IGSF10: variants seen among roughly 807,000 people sequenced by gnomAD.
IGSF10 encodes immunoglobulin superfamily member 10, also known as calvaria mechanical force protein 608.
Under a neutral mutation model 128.2 loss-of-function variants are expected in IGSF10, and 126 were observed. The ratio of observed to expected loss-of-function variants is 0.98; its 90% CI spans 0.85 to 1.14. The LOEUF is 1.14. IGSF10 is among the 50% of genes most tolerant of loss of function. The pLI, the probability that IGSF10 is intolerant of heterozygous loss-of-function variation, is 0.00. For synonymous variants in IGSF10, 1,185 were observed against 1,146.2 expected, an observed-to-expected ratio of 1.03 and a Z score of -0.68; for missense variants, 3,295 against 3,149.8, an observed-to-expected ratio of 1.05 and a Z score of -1.10.
upstream of IGSF10, among the ~76,000 whole-genome samples, chr3:151,464,933 G>A (rs74773297): frequency 0.012 from 1,834 of 152,270 alleles, 18 homozygotes; most frequent in African/African-American, 0.022. Context: ...TTTATATATA[G>A]TATTCCAGAT....
intron 4 of IGSF10, among the ~76,000 whole-genome samples, 185 bp downstream of exon 4, chr3:151,456,841 C>A (rs1352806770): frequency 1.3e-5 from 2 of 152,048 alleles, no homozygotes; most frequent in East Asian, 3.9e-4. Context: ...CCTCAGAGTT[C>A]TTATTATTCT....
chr3:151,553,642 A>G, the IGSF10 span, among the ~76,000 whole-genome samples: 1 of 151,328 alleles, frequency 6.6e-6, no homozygotes, highest in Admixed American at 6.6e-5. Flanking sequence ...TTCTATATAT[A>G]TACAATATAT....
chr3:151,439,372 G>A (rs1051293695), intron 7 of IGSF10, among the ~76,000 whole-genome samples: 2 of 152,298 alleles, frequency 1.3e-5, no homozygotes, highest in Non-Finnish European at 2.9e-5. Context: ...CAGCATTTTG[G>A]GAGGCCAATG....
chr3:151,435,985 T>TTTCA (rs953041803), downstream of IGSF10: 20 of 152,126 alleles, frequency 1.3e-4, no homozygotes, highest in African/African-American at 3.9e-4. Context: ...TATAAAGAAG[T>TTTCA]TTCATTGTAT....
the IGSF10 span, among the ~76,000 whole-genome samples, chr3:151,607,257 G>C: frequency 6.6e-6 from 1 of 152,144 alleles, no homozygotes; most frequent in African/African-American, 2.4e-5. Flanking sequence ...CTGAATTAAG[G>C]AAAGAGTCAA....
chr3:151,437,515 G>A lies in IGSF10; in HGVS notation c.7046C>T (p.Ala2349Val). The A allele has an allele frequency of 6.2e-7, 1 of 1,614,140 alleles. No individual in the cohort carries two copies. Among genetic ancestry groups the A allele is most frequent in the Non-Finnish European group, 8.5e-7 (1 of 1,180,014 alleles). ...CAATGCTGTGGACTTTCCCAGCTGG[G>A]CAACTATTTTTTCATTAAATGGATT... The part of the protein sequence containing the change: ...FRNPFNEKIV[A>V]QLGKSTALNC... Residue 2349 changes from alanine (A) to valine (V), a missense_variant, in exon 8 of 8, where the codon GCC (alanine) becomes GTC (valine). Coordinates refer to ENST00000282466, the MANE Select transcript of IGSF10 (RefSeq NM_178822.5).
the IGSF10 span, among the ~76,000 whole-genome samples, chr3:151,577,992 C>T: frequency 6.6e-6 from 1 of 152,084 alleles, no homozygotes; most frequent in Non-Finnish European, 1.5e-5. Flanking sequence ...TCTATGTTGT[C>T]CCTAAGGTAT....
chr3:151,464,541 G>A (rs919522699), upstream of IGSF10, among the ~76,000 whole-genome samples: 1 of 152,102 alleles, frequency 6.6e-6, no homozygotes, highest in African/African-American at 2.4e-5. Flanking sequence ...AGCGCAAGCA[G>A]TTACAAGTCA....
At chr3:151,557,105 TCTG>T in the IGSF10 span, among the ~76,000 whole-genome samples, 1 of 152,170 alleles carries the variant, frequency 6.6e-6, no homozygotes, top group Non-Finnish European at 1.5e-5. Flanking sequence ...AATAACTGAG[TCTG>T]CTGAAATAAA....
Position 151,437,485 on chromosome 3 carries a change from C to T in IGSF10, c.7076G>A (p.Cys2359Tyr). The T allele has an allele frequency of 6.2e-7, 1 of 1,614,150 alleles. No individual in the cohort carries two copies. The highest frequency in any genetic ancestry group is 8.5e-7 in the Non-Finnish European group (1 of 1,180,026). The change falls in exon 8 of 8, where the codon TGC becomes TAC. Residue 2359 changes from cysteine to tyrosine, a missense_variant. Physicochemically the swap from Cys to Tyr is radical, Grantham distance 194. Coordinates refer to ENST00000282466, the MANE Select transcript of IGSF10 (RefSeq NM_178822.5). ...AQLGKSTALNCSVDGNPPPEI... is the reference protein window; with the variant it reads ...AQLGKSTALNYSVDGNPPPEI... Reference sequence around the variant, plus strand: ...AGGTGGTGGGTTACCATCAACAGAGCAATTCAATGCTGTGGACTTTCCCAG... The same window carrying T: ...AGGTGGTGGGTTACCATCAACAGAGTAATTCAATGCTGTGGACTTTCCCAG...
chr3:151,471,359 T>C, the IGSF10 span, among the ~76,000 whole-genome samples: 2 of 152,348 alleles, frequency 1.3e-5, no homozygotes, highest in East Asian at 3.9e-4. Flanking sequence ...CCCTTCATGT[T>C]GATTTCTAAG....
the IGSF10 span, among the ~76,000 whole-genome samples, chr3:151,524,336 C>T: frequency 1.6e-4 from 25 of 152,198 alleles, no homozygotes; most frequent in South Asian, 5.2e-3. Flanking sequence ...CATGAATGTT[C>T]ACTGCAGCAC....
intron 5 of IGSF10, among the ~76,000 whole-genome samples, chr3:151,452,111 G>A (rs1432397862): frequency 2.6e-5 from 4 of 152,088 alleles, no homozygotes; most frequent in East Asian, 3.8e-4. Flanking sequence ...CATGGGTCTC[G>A]TAAAAATTAT....
chr3:151,500,420 C>G, the IGSF10 span, among the ~76,000 whole-genome samples: 1 of 152,032 alleles, frequency 6.6e-6, no homozygotes, highest in Non-Finnish European at 1.5e-5. Context: ...ATGGGGATAT[C>G]TTAATTTTAT....
At chr3:151,590,020 T>C in the IGSF10 span, among the ~76,000 whole-genome samples, 1 of 152,032 alleles carries the variant, frequency 6.6e-6, no homozygotes, top group Non-Finnish European at 1.5e-5. Context: ...GAGTGAATGA[T>C]CAAGTTGGGT....
At chr3:151,465,512 G>A (rs1035941567), upstream of IGSF10, among the ~76,000 whole-genome samples, 1 of 152,192 alleles carries the variant, frequency 6.6e-6, no homozygotes, top group African/African-American at 2.4e-5. Flanking sequence ...GGTAGGAGAT[G>A]CACCTAAGAG....
chr3:151,521,500 A>G, the IGSF10 span, among the ~76,000 whole-genome samples: 1 of 152,188 alleles, frequency 6.6e-6, no homozygotes, highest in African/African-American at 2.4e-5. Flanking sequence ...TCAAAATCAT[A>G]TCAAACACAC....
chr3:151,532,718 A>C, the IGSF10 span, among the ~76,000 whole-genome samples: 3 of 152,336 alleles, frequency 2.0e-5, no homozygotes, highest in Admixed American at 2.0e-4. Flanking sequence ...AGCCAATATC[A>C]TACTGAATGG....
the IGSF10 span, among the ~76,000 whole-genome samples, chr3:151,591,781 A>G: frequency 6.6e-6 from 1 of 152,156 alleles, no homozygotes; most frequent in African/African-American, 2.4e-5. Flanking sequence ...AAGTCCTGGA[A>G]AGAGGAAGAA....
Sources: allele counts gnomAD v4.1 joint callset (sites outside exome capture counted in the v4.1 genomes callset), GRCh38; gene constraint gnomAD v4.1.1; transcripts MANE v1.5; gene names NCBI Gene and HGNC (gene_info 2026-07-23, HGNC 2026-07-21).